Variants in C17orf58 observed in about 807,000 individuals in gnomAD.
C17orf58 encodes UPF0450 protein C17orf58.
C17orf58 carries 5 observed loss-of-function variants against 7.4 expected under a neutral mutation model. The observed-to-expected ratio is 0.67, with a 90% CI of 0.35 to 1.42. The LOEUF is 1.42. Among genes scored for constraint, C17orf58 ranks in the 40% most tolerant of loss-of-function variants. The probability of loss-of-function intolerance (pLI) is 0.04; values close to 1 mark genes in which losing one functional copy is unlikely to be tolerated. For missense variants in C17orf58, 162 were observed against 174.2 expected, an observed-to-expected ratio of 0.93 and a Z score of 0.40; for synonymous variants, 60 against 70.6, an observed-to-expected ratio of 0.85 and a Z score of 0.75.
At chr17:67,995,896 C>T (rs1363072092) in intron 1 of C17orf58, among the ~76,000 whole-genome samples, 1 of 152,276 alleles carries the variant, frequency 6.6e-6, no homozygotes, top group Non-Finnish European at 1.5e-5. Context: ...CCGGCTTGCT[C>T]GGGATCATTT....
At chr17:67,992,699 C>G (rs1413899764) in intron 3 of C17orf58, among the ~76,000 whole-genome samples, 1 of 151,992 alleles carries the variant, frequency 6.6e-6, no homozygotes, top group African/African-American at 2.4e-5. Flanking sequence ...GTATTCCCCG[C>G]TACCAACCCC....
At chr17:67,994,652 C>T (rs1555699638) in intron 1 of C17orf58, among the ~76,000 whole-genome samples, 2 of 151,732 alleles carry the variant, frequency 1.3e-5, no homozygotes, top group Admixed American at 6.6e-5. Context: ...TTAAGCGCCC[C>T]TGACAACAGA....
In C17orf58 at chr17:67,993,883, G is replaced by C; in HGVS notation, c.178C>G (p.Pro60Ala). The C allele has an allele frequency of 2.7e-6, 1 of 376,336 alleles. No homozygotes were observed. The highest frequency in any genetic ancestry group is 4.7e-6 in the Non-Finnish European group (1 of 212,488). 23.3% of individuals were successfully genotyped at this position (376,336 alleles called of 1,614,324 possible). The change falls in exon 2 of 4, where the codon CCG becomes GCG. Residue 60 changes from proline (P) to alanine (A), a missense_variant. Pro to Ala is a conservative substitution (Grantham distance 27). Coordinates refer to ENST00000580729, the MANE Select transcript of C17orf58 (RefSeq NM_001382359.1). The surrounding 1 kb of genome is among the most constrained non-coding windows in gnomAD (Gnocchi z 5.1). Reference protein sequence around the residue: ...AQPLLEAPQRPRAAEVAPAAR... With the variant: ...AQPLLEAPQRARAAEVAPAAR... ...GCGGGAGCGACCTCGGCCGCGCGCG[G>C]CCGCTGCGGGGCCTCAAGGAGTGGC...
Position 67,996,175 on chromosome 17 carries a change from G to A in C17orf58, c.24C>T (p.Leu8=), listed in dbSNP as rs1378926043. The A allele has an allele frequency of 2.7e-4, 108 of 399,048 alleles. No individual in the cohort carries two copies. The Middle Eastern group carries it at 4.4e-3, about 16-fold the overall frequency. 24.7% of individuals were successfully genotyped at this position (399,048 alleles called of 1,614,324 possible). MTARAFW[L]LCLIVGSSPE... ...GGGATGATCCGACGATCAAACAGAG[G>A]AGCCAGAAAGCTCTAGCTGTCATTT... Residue 8 remains leucine (L), a synonymous_variant, in exon 1 of 4, where the codon CTC becomes CTT. Transcript: ENST00000580729.
intron 1 of C17orf58, among the ~76,000 whole-genome samples, chr17:67,995,142 T>C (rs1183490020): frequency 6.6e-6 from 1 of 152,250 alleles, no homozygotes; most frequent in Non-Finnish European, 1.5e-5. Context: ...CATTTAAAGT[T>C]GATCAGTCTT....
intron 3 of C17orf58, 172 bp downstream of exon 3, chr17:67,992,872 C>T (rs1599118058): frequency 1.2e-6 from 2 of 1,606,290 alleles, no homozygotes; most frequent in Non-Finnish European, 1.7e-6. Context: ...GCTGACAGGG[C>T]TTAAATCACA....
At position 67,993,527 on chromosome 17, in the gene C17orf58, G is replaced by A. The variant is rs1446008915; in HGVS notation, c.534C>T (p.Gly178=). Residue 178 remains glycine, a synonymous_variant, in exon 2 of 4, where the codon GGC becomes GGT. Coordinates refer to ENST00000580729, the MANE Select transcript of C17orf58 (RefSeq NM_001382359.1). The surrounding 1 kb of genome is among the most constrained non-coding windows in gnomAD (Gnocchi z 5.1). ...CCGCGTCCCTCTGCGGCGGGCTGAG[G>A]CCGAAGCTGAGGCTGAAGCGCGGCG... ...APPPRFSLSF[G]LSPPQRDAEP... is the part of the protein sequence containing the mutation. The A allele has an allele frequency of 2.6e-6, 1 of 377,708 alleles. No individual in the cohort carries two copies. Among genetic ancestry groups the A allele is most frequent in the Non-Finnish European group, 4.7e-6 (1 of 213,288 alleles). The allele number at this position is 377,708 out of a possible 1,614,324, so 23.4% of individuals were successfully genotyped here.
intron 1 of C17orf58, among the ~76,000 whole-genome samples, chr17:67,994,535 T>TATATATATATATATATATATATATATAA (rs71142122): frequency 1.3e-4 from 13 of 100,200 alleles, no homozygotes; most frequent in African/African-American, 1.9e-4. Context: ...TATATATATA[T>TATATATATATATATATATATATATATAA]AAAACATATA....
At chr17:67,992,702 C>T (rs1236501661) in intron 3 of C17orf58, among the ~76,000 whole-genome samples, 2 of 151,940 alleles carry the variant, frequency 1.3e-5, no homozygotes, top group African/African-American at 4.8e-5. Flanking sequence ...TTCCCCGCTA[C>T]CAACCCCACA....
In C17orf58 at chr17:67,991,230, T is replaced by TA. The variant is rs1303349474; in HGVS notation, c.*682dup. On this transcript the variant is annotated 3_prime_UTR_variant, in exon 4 of 4. Coordinates refer to ENST00000580729, the MANE Select transcript of C17orf58 (RefSeq NM_001382359.1). ...TGCCAGTTCAGCACAAAACATACATTACTAGGAGCAGGGAGGCATGAAAAT... is the reference window on the plus strand; with the variant it reads ...TGCCAGTTCAGCACAAAACATACATTAACTAGGAGCAGGGAGGCATGAAAAT... The TA allele has an allele frequency of 1.3e-5, 2 of 152,186 alleles. No individual in the cohort carries two copies. Among genetic ancestry groups the TA allele is most frequent in the African/African-American group, 4.8e-5 (2 of 41,438 alleles). 9.4% of individuals were successfully genotyped at this position (152,186 alleles called of 1,614,324 possible).
chr17:67,992,675 A>G (rs144722034), intron 3 of C17orf58, among the ~76,000 whole-genome samples: 228 of 151,726 alleles, frequency 1.5e-3, no homozygotes, highest in Non-Finnish European at 2.5e-3. Context: ...ATGTCTAGAA[A>G]GATGTGGGAG....
chr17:67,992,831 A>C (rs1599118036), intron 3 of C17orf58: 1 of 1,531,506 alleles, frequency 6.5e-7, no homozygotes, highest in East Asian at 2.3e-5. Context: ...CTTTGTGCCA[A>C]CCCTTGCTGT....
rs2070858011 is a variant in C17orf58, at chr17:67,993,424, C to G, written c.637G>C (p.Ala213Pro). 1.8e-6 allele frequency: 1 copy of G among 558,802 alleles called. No homozygotes were observed. The highest frequency in any genetic ancestry group is 2.0e-5 in the African/African-American group (1 of 50,022). 34.6% of individuals were successfully genotyped at this position (558,802 alleles called of 1,614,324 possible). A position where few individuals can be genotyped will look rare whatever the true frequency, so the allele number is the denominator to read the frequency against. Residue 213 changes from alanine to proline, a missense_variant and splice_region_variant, in exon 2 of 4, where the codon GCG (alanine) becomes CCG (proline). By Grantham distance (27) the Ala-to-Pro change is conservative. Coordinates refer to ENST00000580729, the MANE Select transcript of C17orf58 (RefSeq NM_001382359.1). The surrounding 1 kb of genome is among the most constrained non-coding windows in gnomAD (Gnocchi z 5.1). ...GCGGCGGCGCGGCGGCCGGGCTCACCGAATTCGCTCTCGCAGAACGCCTCG... is the reference window on the plus strand; with the variant it reads ...GCGGCGGCGCGGCGGCCGGGCTCACGGAATTCGCTCTCGCAGAACGCCTCG... Reference protein sequence around the residue: ...EREAFCESEFAVNGIVHDVDV... With the variant: ...EREAFCESEFPVNGIVHDVDV...
At chr17:67,992,166 TA>T in intron 3 of C17orf58, 63 bp from the exon 4 acceptor site, 2 of 1,389,068 alleles carry the variant, frequency 1.4e-6, no homozygotes, top group Non-Finnish European at 1.9e-6. Flanking sequence ...ACAGAAAATG[TA>T]AGGCCTTTAA....
chr17:67,993,047 G>C lies in C17orf58; in HGVS notation c.826C>G (p.Pro276Ala). The change falls in exon 3 of 4, where the codon CCT becomes GCT. Residue 276 changes from proline (P) to alanine (A), a missense_variant. Physicochemically the swap from Pro to Ala is conservative, Grantham distance 27. This residue lies in a region of C17orf58 where 4 missense variants were observed against 17.4 expected (regional missense o/e 0.23). Transcript: ENST00000580729. The surrounding 1 kb of genome is among the most constrained non-coding windows in gnomAD (Gnocchi z 5.1). ...SCNKPCPEFK[P>A]GSRYIVMGHI... is the part of the protein sequence containing the mutation. ...TCATTCAGGTCAGTTTCAATACCAG[G>C]TTTAAACTCTGGACACGGCTTATTG... The C allele has an allele frequency of 1.2e-6, 2 of 1,614,204 alleles. No individual in the cohort carries two copies. Among genetic ancestry groups the C allele is most frequent in the Non-Finnish European group, 1.7e-6 (2 of 1,180,032 alleles).
rs1295827700 is a variant in C17orf58, at chr17:67,992,918, T to C, written c.829+126A>G. On this transcript the variant is annotated intron_variant, in intron 3 of 3. Transcript: ENST00000580729. Reference sequence around the variant, plus strand: ...AATAATACCTGTCGTCTAAATCCCATTCATGTCATTGTTTCCCATCGCTCC... The same window carrying C: ...AATAATACCTGTCGTCTAAATCCCACTCATGTCATTGTTTCCCATCGCTCC... 3.7e-6 allele frequency: 6 copies of C among 1,613,984 alleles called. No individual in the cohort carries two copies. In the South Asian group the frequency reaches 4.4e-5, roughly 12 times the overall value.
Position 67,993,710 on chromosome 17 carries a change from C to A in C17orf58, c.351G>T (p.Glu117Asp). The A allele has an allele frequency of 6.8e-6, 1 of 147,618 alleles. No homozygotes were observed. The highest frequency in any genetic ancestry group is 1.8e-4 in the South Asian group (1 of 5,572). The allele number at this position is 147,618 out of a possible 1,614,324, so 9.1% of individuals were successfully genotyped here. A position where few individuals can be genotyped will look rare whatever the true frequency, so the allele number is the denominator to read the frequency against. Residue 117 changes from glutamate (E) to aspartate (D), a missense_variant, in exon 2 of 4, where the codon GAG (glutamate) becomes GAT (aspartate). Around this residue, in one of 3 missense-constraint regions of C17orf58, gnomAD observed 93 missense variants for 90.4 expected, o/e 1.03. Coordinates refer to ENST00000580729, the MANE Select transcript of C17orf58 (RefSeq NM_001382359.1). The surrounding 1 kb of genome is among the most constrained non-coding windows in gnomAD (Gnocchi z 5.1). ...QAENRASPRR[E>D]PASEDAPRRA... ...GTCGCGGGGCGTCCTCCGACGCGGG[C>A]TCGCGGCGCGGCGACGCGCGGTTCT... is the stretch of plus-strand genomic sequence containing the variant.
rs1555699612 is a variant in C17orf58 at position 67,994,514 on chromosome 17, G to GTATA, written c.77-531_77-530insTATA. On this transcript the variant is annotated intron_variant, in intron 1 of 3. Coordinates refer to ENST00000580729, the MANE Select transcript of C17orf58 (RefSeq NM_001382359.1). The stretch of plus-strand genomic sequence containing the variant: ...TGTGCGTGTGTGTGTGTGTGTGTGT[G>GTATA]TGTATATATATATATATATATAAAA... Among the ~76,000 whole-genome samples the GTATA allele has an allele frequency of 4.1e-4, 36 of 87,196 alleles. 1 individual carries two copies. The highest frequency in any genetic ancestry group is 1.3e-3 in the African/African-American group (35 of 26,948). The allele number at this position is 87,196 out of a possible 152,430, so 57.2% of individuals were successfully genotyped here. A position where few individuals can be genotyped will look rare whatever the true frequency, so the allele number is the denominator to read the frequency against.
Position 67,993,032 on chromosome 17 carries a change from C to T in C17orf58, c.829+12G>A. 6.2e-7 allele frequency: 1 copy of T among 1,614,170 alleles called. No homozygotes were observed. The highest frequency in any genetic ancestry group is 8.5e-7 in the Non-Finnish European group (1 of 1,180,012). ...AGTACATATGCAGCGTCATTCAGGT[C>T]AGTTTCAATACCAGGTTTAAACTCT... is the stretch of plus-strand genomic sequence containing the variant. On this transcript the variant is annotated intron_variant, in intron 3 of 3. Coordinates refer to ENST00000580729, the MANE Select transcript of C17orf58 (RefSeq NM_001382359.1). This position sits in a 1 kb window ranked among gnomAD's most constrained non-coding sequence, Gnocchi z 5.1.
Sources: allele counts gnomAD v4.1 joint callset (sites outside exome capture counted in the v4.1 genomes callset), GRCh38; gene constraint gnomAD v4.1.1; regional missense constraint gnomAD v4.1.1; non-coding constraint Gnocchi (gnomAD v3.1); transcripts MANE v1.5; gene names NCBI Gene and HGNC (gene_info 2026-07-23, HGNC 2026-07-21).